The following MYO16 variants were observed in gnomAD, a reference collection of about 807,000 sequenced individuals.
MYO16 encodes myosin XVI.
Under a neutral mutation model 205.3 loss-of-function variants are expected in MYO16, and 94 were observed. That is an observed-to-expected ratio of 0.46 (90% CI 0.39 to 0.54). The LOEUF is 0.54. Among genes scored for constraint, MYO16 ranks in the 20% least tolerant of loss-of-function variants. The pLI is 0.00. For synonymous variants in MYO16, 988 were observed against 954.0 expected (o/e 1.04, Z -0.66); for missense variants, 2,315 against 2,387.5 (o/e 0.97, Z 0.63).
At chr13:108,911,798 G>T (rs1458716762) in intron 16 of MYO16, among the ~76,000 whole-genome samples, 7 of 152,324 alleles carry the variant, frequency 4.6e-5, no homozygotes, top group African/African-American at 1.7e-4. Flanking sequence ...TAATGGTGGT[G>T]CAGGCGATGA....
chr13:109,130,837 G>A (rs1393221892), intron 31 of MYO16, among the ~76,000 whole-genome samples: 1 of 152,164 alleles, frequency 6.6e-6, no homozygotes, highest in African/African-American at 2.4e-5. Context: ...TAGCCACTAG[G>A]CACACGTAGC....
chr13:109,019,683 C>A, intron 22 of MYO16, 28 bp from the exon 23 acceptor site: 1 of 1,564,990 alleles, frequency 6.4e-7, no homozygotes, highest in Non-Finnish European at 8.8e-7. Context: ...ATAGACAAAA[C>A]AACTCCCCAT....
intron 15 of MYO16, among the ~76,000 whole-genome samples, chr13:108,904,710 A>T (rs1161691600): frequency 6.6e-6 from 1 of 152,146 alleles, no homozygotes; most frequent in Admixed American, 6.6e-5. Flanking sequence ...AGAAAAAAAA[A>T]GTTCCTGCCC....
At chr13:109,160,217 A>G (rs1254786148) in intron 32 of MYO16, among the ~76,000 whole-genome samples, 1 of 152,234 alleles carries the variant, frequency 6.6e-6, no homozygotes, top group Non-Finnish European at 1.5e-5. Context: ...ATCAAGAGCC[A>G]TGATTTAAAA....
At chr13:108,951,978 C>T (rs1288805580) in intron 16 of MYO16, among the ~76,000 whole-genome samples, 1 of 151,882 alleles carries the variant, frequency 6.6e-6, no homozygotes, top group Non-Finnish European at 1.5e-5. Context: ...TGGTGGTGGG[C>T]GCCTGTAGTC....
chr13:108,605,417 T>C (rs1001975431), intron 1 of MYO16, among the ~76,000 whole-genome samples: 4 of 152,272 alleles, frequency 2.6e-5, no homozygotes, highest in Admixed American at 1.3e-4. Context: ...CACCCAAATC[T>C]CATCTTGCAT....
chr13:108,509,916 C>G, the MYO16 span, among the ~76,000 whole-genome samples: 1 of 152,082 alleles, frequency 6.6e-6, no homozygotes, highest in African/African-American at 2.4e-5. Flanking sequence ...AGTCATGGTG[C>G]TGTCATCCCA....
intron 13 of MYO16, 122 bp from the exon 14 acceptor site, chr13:108,888,250 C>A: frequency 1.6e-6 from 1 of 622,890 alleles, no homozygotes; most frequent in Non-Finnish European, 2.8e-6. Context: ...ATTTCTGTGT[C>A]TGAGAAATAT....
At position 109,049,926 on chromosome 13, in the gene MYO16, CTGTGTGTG is replaced by C. The variant is rs35960970; in HGVS notation, c.2873-2330_2873-2323del. On this transcript the variant is annotated intron_variant, in intron 24 of 34. Coordinates refer to ENST00000457511, the MANE Select transcript of MYO16 (RefSeq NM_001198950.3). ...TGTTCTCCTCTTTCCTTCCTTTGTC[CTGTGTGTG>C]TGTGTGTGTGTGTGTGTGTGTGTGT... Among the ~76,000 whole-genome samples, 847 of 105,976 alleles carry C rather than the reference CTGTGTGTG, an allele frequency of 8.0e-3. 5 individuals carry two copies. The highest frequency in any genetic ancestry group is 0.024 in the African/African-American group (700 of 29,640). The allele number at this position is 105,976 out of a possible 152,430, so 69.5% of individuals were successfully genotyped here. A position where few individuals can be genotyped will look rare whatever the true frequency, so the allele number is the denominator to read the frequency against.
At chr13:109,029,912 T>C (rs1886495114) in intron 23 of MYO16, among the ~76,000 whole-genome samples, 1 of 152,184 alleles carries the variant, frequency 6.6e-6, no homozygotes, top group South Asian at 2.1e-4. Flanking sequence ...ATATATTCTT[T>C]TATTTCATGA....
chr13:108,926,955 A>C (rs1028881139), intron 16 of MYO16, among the ~76,000 whole-genome samples: 2 of 152,160 alleles, frequency 1.3e-5, no homozygotes, highest in Admixed American at 6.5e-5. Flanking sequence ...TAAATACTAA[A>C]ATGAATTTCT....
rs529195648 is a variant in MYO16 at position 108,801,828 on chromosome 13, G to C, written c.742-4851G>C. ...TGTAAATCACTCAGCTTATTGTCTA[G>C]TTAGTACACAGTGAGCTCTCGATCA... On this transcript the variant is annotated intron_variant, in intron 6 of 34. Transcript: ENST00000457511. 3.3e-5 allele frequency among the ~76,000 whole-genome samples: 5 copies of C among 152,304 alleles called. No homozygotes were observed. The South Asian group carries it at 8.3e-4, about 25-fold the overall frequency.
chr13:108,875,142 T>G (rs1879264796), intron 12 of MYO16, among the ~76,000 whole-genome samples: 1 of 152,204 alleles, frequency 6.6e-6, no homozygotes, highest in Non-Finnish European at 1.5e-5. Flanking sequence ...TGAGTGCTTG[T>G]CATCTCACCT....
intron 4 of MYO16, among the ~76,000 whole-genome samples, chr13:108,768,132 C>T (rs1885842022): frequency 6.6e-6 from 1 of 152,192 alleles, no homozygotes; most frequent in Non-Finnish European, 1.5e-5. Context: ...AGCCTTATTC[C>T]TTTTCACTAT....
intron 33 of MYO16, among the ~76,000 whole-genome samples, chr13:109,173,284 A>G (rs533944719): frequency 1.3e-5 from 2 of 152,344 alleles, no homozygotes; most frequent in South Asian, 4.1e-4. Context: ...CATTGAAAAT[A>G]CATACCAAGG....
chr13:108,800,359 T>C (rs1054151669), intron 6 of MYO16, among the ~76,000 whole-genome samples: 2 of 152,174 alleles, frequency 1.3e-5, no homozygotes, highest in Admixed American at 6.5e-5. Context: ...CCTTGATACC[T>C]ACACACAGTG....
the MYO16 span, among the ~76,000 whole-genome samples, chr13:108,568,919 A>G: frequency 6.6e-6 from 1 of 151,838 alleles, no homozygotes; most frequent in Non-Finnish European, 1.5e-5. Flanking sequence ...TCCAGCACTA[A>G]TTCCTGAAAA....
chr13:109,135,130 C>G lies in MYO16; in HGVS notation c.4052-5134C>G, dbSNP rs1236709159. Among the ~76,000 whole-genome samples the G allele has an allele frequency of 2.0e-5, 3 of 152,178 alleles. 1 individual carries two copies. The highest frequency in any genetic ancestry group is 4.1e-4 in the South Asian group (2 of 4,822). On this transcript the variant is annotated intron_variant, in intron 31 of 34. Transcript: ENST00000457511. ...AAAAAGACAAGTTGCCTGATCCCCC[C>G]ACACAAGCAAAATGCATCAGAGGGA...
rs181249229 is a variant in MYO16 at position 109,071,149 on chromosome 13, T to A, written c.3335+15554T>A. Among the ~76,000 whole-genome samples, 65 of 152,260 alleles carry A rather than the reference T, an allele frequency of 4.3e-4. No homozygotes were observed. In the East Asian group the frequency reaches 0.011, roughly 25 times the overall value. On this transcript the variant is annotated intron_variant, in intron 27 of 34. Coordinates refer to ENST00000457511, the MANE Select transcript of MYO16 (RefSeq NM_001198950.3). ...TATTGTCTAGAAATCCATATTTTTT[T>A]AAAAAACACGTCATTTGCTAAAGAA...
Sources: allele counts gnomAD v4.1 joint callset (sites outside exome capture counted in the v4.1 genomes callset), GRCh38; gene constraint gnomAD v4.1.1; transcripts MANE v1.5; gene names NCBI Gene and HGNC (gene_info 2026-07-23, HGNC 2026-07-21).